Variants in EP300 observed in about 807,000 individuals in gnomAD.
The protein encoded by EP300 is EP300 lysine acetyltransferase, also known as histone acetyltransferase p300.
EP300 carries 31 observed loss-of-function variants against 264.0 expected under a neutral mutation model. The observed-to-expected ratio is 0.12, with a 90% CI of 0.09 to 0.16. EP300 has a LOEUF of 0.16. Ranked by LOEUF, EP300 falls within the 10% of genes least tolerant of loss-of-function variation. The pLI, the probability that EP300 is intolerant of heterozygous loss-of-function variation, is 1.00. For synonymous variants in EP300, 1,340 were observed against 1,045.4 expected (o/e 1.28, Z -5.44); for missense variants, 2,766 against 3,052.9 (o/e 0.91, Z 2.21).
At chr22:41,128,600 C>G in intron 4 of EP300, among the ~76,000 whole-genome samples, 1 of 151,840 alleles carries the variant, frequency 6.6e-6, no homozygotes, top group East Asian at 1.9e-4. Flanking sequence ...CTCCACCTTC[C>G]AGGTTCATGC....
At chr22:41,168,888 C>T (rs2145764075) in intron 25 of EP300, 21 bp downstream of exon 25, 4 of 1,614,138 alleles carry the variant, frequency 2.5e-6, no homozygotes, top group African/African-American at 1.3e-5. Flanking sequence ...CTCACAGTGG[C>T]TAGCTCCGGA....
At chr22:41,102,955 T>A (rs2058739856) in intron 1 of EP300, among the ~76,000 whole-genome samples, 1 of 152,166 alleles carries the variant, frequency 6.6e-6, no homozygotes, top group Non-Finnish European at 1.5e-5. Context: ...GTTCAAGCGA[T>A]TCTCATGCCT....
At chr22:41,169,756 T>G (rs1263155438) in intron 26 of EP300, 140 bp downstream of exon 26, 2 of 655,210 alleles carry the variant, frequency 3.1e-6, no homozygotes, top group Non-Finnish European at 5.4e-6. Context: ...TTAACTTTGT[T>G]GGAGCCCCTT....
rs765627133 is a variant in EP300 at position 41,093,036 on chromosome 22, C to T, written c.32C>T (p.Pro11Leu). Residue 11 changes from proline to leucine, a missense_variant, in exon 1 of 31, where the codon CCT becomes CTT. Transcript: ENST00000263253. MAENVVEPGP[P>L]SAKRPKLSSP... ...GAGAATGTGGTGGAACCGGGGCCGC[C>T]TTCAGCCAAGCGGCCTAAACTCTCA... 2.5e-6 allele frequency: 4 copies of T among 1,614,078 alleles called. No individual in the cohort carries two copies. Among genetic ancestry groups the T allele is most frequent in the Non-Finnish European group, 3.4e-6 (4 of 1,180,052 alleles).
intron 2 of EP300, among the ~76,000 whole-genome samples, chr22:41,124,459 A>AC (rs1230412773): frequency 1.3e-5 from 2 of 152,156 alleles, no homozygotes; most frequent in Middle Eastern, 6.3e-3. Flanking sequence ...ATATTCCCAA[A>AC]CCATCAGTTT....
Position 41,178,550 on chromosome 22 carries a change from C to T in EP300, c.6839C>T (p.Pro2280Leu). ...GSPVQPNPMS[P>L]QQHMLPNQAQ... Reference sequence around the variant, plus strand: ...CCTGTTCAGCCCAACCCCATGAGCCCCCAGCAGCATATGCTCCCAAATCAG... The same window carrying T: ...CCTGTTCAGCCCAACCCCATGAGCCTCCAGCAGCATATGCTCCCAAATCAG... Residue 2280 changes from proline (P) to leucine (L), a missense_variant, in exon 31 of 31, where the codon CCC (proline) becomes CTC (leucine). Coordinates refer to ENST00000263253, the MANE Select transcript of EP300 (RefSeq NM_001429.4). 1 of 1,614,020 alleles carries T rather than the reference C, an allele frequency of 6.2e-7. No homozygotes were observed. The highest frequency in any genetic ancestry group is 8.5e-7 in the Non-Finnish European group (1 of 1,179,986).
At chr22:41,167,582 G>GTATATATATA (rs1191403968) in intron 23 of EP300, among the ~76,000 whole-genome samples, 1 of 21,686 alleles carries the variant, frequency 4.6e-5, no homozygotes, top group Admixed American at 4.4e-4. Context: ...GTGTGTGTGT[G>GTATATATATA]TGTATATATA....
Position 41,117,705 on chromosome 22 carries a change from A to G in EP300, c.613A>G (p.Met205Val), listed in dbSNP as rs763036895. ...SIGAGRGRQN[M>V]QYPNPGMGSA... ...TGGAGCAGGCCGAGGGCGACAGAAT[A>G]TGCAGTACCCAAACCCAGGCATGGG... The change falls in exon 2 of 31, where the codon ATG becomes GTG. Residue 205 changes from methionine (M) to valine (V), a missense_variant. By Grantham distance (21) the Met-to-Val change is conservative (BLOSUM62 1). Coordinates refer to ENST00000263253, the MANE Select transcript of EP300 (RefSeq NM_001429.4). 1.1e-5 allele frequency: 18 copies of G among 1,614,126 alleles called. No homozygotes were observed. The African/African-American group carries it at 1.7e-4, about 16-fold the overall frequency.
At position 41,137,843 on chromosome 22, in the gene EP300, GT is replaced by G. The variant is rs1321451094; in HGVS notation, c.1760+57del. 12 of 1,612,396 alleles carry G rather than the reference GT, an allele frequency of 7.4e-6. 1 individual carries two copies. In the Admixed American group the frequency reaches 1.8e-4, roughly 25 times the overall value. On this transcript the variant is annotated intron_variant, in intron 8 of 30. Transcript: ENST00000263253. ...TCGTAAAGAGATGTTACGTCAACAT[GT>G]TTTCAATCTCCTGGGCATTTAATTA...
At position 41,131,429 on chromosome 22, in the gene EP300, T is replaced by G. The variant is rs1250504736; in HGVS notation, c.1324T>G (p.Ser442Ala). ...GAPVGLGNPS[S>A]LGVGQQSAPN... ...ACCCGTTGGACTTGGAAATCCTAGC[T>G]CTCTAGGGGTGGGTCAACAGTCTGC... is the stretch of plus-strand genomic sequence containing the variant. Residue 442 changes from serine to alanine, a missense_variant, in exon 6 of 31, where the codon TCT becomes GCT. By Grantham distance (99) the Ser-to-Ala change is moderately conservative. Transcript: ENST00000263253. 1.9e-6 allele frequency: 3 copies of G among 1,613,956 alleles called. No individual in the cohort carries two copies. The East Asian group carries it at 6.7e-5, about 36-fold the overall frequency.
intron 17 of EP300, among the ~76,000 whole-genome samples, chr22:41,155,966 G>A (rs765091247): frequency 7.2e-5 from 11 of 151,954 alleles, no homozygotes; most frequent in Non-Finnish European, 1.6e-4. Context: ...ACCTAGGAGT[G>A]GAATTCCTGG....
At chr22:41,124,645 C>CA (rs1187083155) in intron 2 of EP300, among the ~76,000 whole-genome samples, 9 of 150,546 alleles carry the variant, frequency 6.0e-5, no homozygotes, top group Admixed American at 1.3e-4. Flanking sequence ...TTTTAATAGT[C>CA]AAAAAAAAGA....
intron 11 of EP300, among the ~76,000 whole-genome samples, chr22:41,147,480 G>C (rs988287440): frequency 6.6e-6 from 1 of 152,154 alleles, no homozygotes; most frequent in Non-Finnish European, 1.5e-5. Flanking sequence ...GCTCACGCCT[G>C]TAATCCCAGC....
intron 1 of EP300, among the ~76,000 whole-genome samples, chr22:41,109,623 C>G (rs1018168261): frequency 1.3e-5 from 2 of 152,018 alleles, no homozygotes; most frequent in South Asian, 2.1e-4. Flanking sequence ...GTTCTAAACA[C>G]TTTACATTTA....
chr22:41,152,785 C>G (rs2059054561), intron 16 of EP300, among the ~76,000 whole-genome samples: 1 of 150,984 alleles, frequency 6.6e-6, no homozygotes, highest in Middle Eastern at 3.2e-3. Context: ...GAATCGGATT[C>G]TCACTTTTGT....
chr22:41,125,881 C>T lies in EP300; in HGVS notation c.747C>T (p.Asn249=), dbSNP rs1240905652. ...PQPLKMGMMN[N]PNPYGSPYTQ... is the part of the protein sequence containing the mutation. Reference sequence around the variant, plus strand: ...ACTCTTAGATGGGAATGATGAACAACCCCAATCCTTATGGTTCACCATATA... The same window carrying T: ...ACTCTTAGATGGGAATGATGAACAATCCCAATCCTTATGGTTCACCATATA... The change falls in exon 3 of 31, where the codon AAC becomes AAT. Residue 249 remains asparagine (N), a synonymous_variant. Transcript: ENST00000263253. The T allele has an allele frequency of 1.9e-6, 3 of 1,613,978 alleles. No homozygotes were observed. Among genetic ancestry groups the T allele is most frequent in the Non-Finnish European group, 2.5e-6 (3 of 1,179,980 alleles).
rs2058826916 is a variant in EP300, at chr22:41,117,335, G to A, written c.243G>A (p.Leu81=). 2 of 1,614,106 alleles carry A rather than the reference G, an allele frequency of 1.2e-6. No homozygotes were observed. Among genetic ancestry groups the A allele is most frequent in the African/African-American group, 2.7e-5 (2 of 74,944 alleles). ...ATGCAGCTTCTAAACATAAACAGCT[G>A]TCAGAATTGCTGCGATCTGGTAGTT... is the stretch of plus-strand genomic sequence containing the variant. ...VQDAASKHKQ[L]SELLRSGSSP... The change falls in exon 2 of 31, where the codon CTG becomes CTA. Residue 81 remains leucine, a synonymous_variant. Transcript: ENST00000263253.
At chr22:41,126,130 G>A (rs2058881070) in intron 3 of EP300, 90 bp downstream of exon 3, 2 of 1,391,070 alleles carry the variant, frequency 1.4e-6, no homozygotes, top group Admixed American at 3.4e-5. Context: ...TATATATGCT[G>A]GGATTTGTAC....
intron 18 of EP300, 32 bp from the exon 19 acceptor site, chr22:41,158,380 C>G (rs1298832847): frequency 6.3e-7 from 1 of 1,599,932 alleles, no homozygotes; most frequent in African/African-American, 1.3e-5. Flanking sequence ...CTTAAGGCCT[C>G]TGTGCTTTTT....
Sources: gnomAD v4.1 joint callset for allele counts (sites outside exome capture counted in the v4.1 genomes callset) on GRCh38, gnomAD v4.1.1 for gene constraint, MANE v1.5 for transcripts, NCBI Gene and HGNC (gene_info 2026-07-23, HGNC 2026-07-21) for gene names.